The following MBTD1 variants were observed in gnomAD, a reference collection of about 807,000 sequenced individuals.
MBTD1 encodes MBT domain-containing protein 1.
MBTD1 carries 24 observed loss-of-function variants against 87.8 expected under a neutral mutation model. The observed-to-expected ratio is 0.27, with a 90% CI of 0.20 to 0.38. MBTD1 has a LOEUF of 0.38. MBTD1 is among the 10% of genes least tolerant of loss of function. The pLI, the probability that MBTD1 is intolerant of heterozygous loss-of-function variation, is 1.00. For missense variants in MBTD1, 436 were observed against 760.2 expected (o/e 0.57, Z 5.02); for synonymous variants, 237 against 248.6 (o/e 0.95, Z 0.44).
At chr17:51,226,719 T>A (rs1271250508) in intron 2 of MBTD1, among the ~76,000 whole-genome samples, 2 of 150,926 alleles carry the variant, frequency 1.3e-5, no homozygotes, top group Admixed American at 1.3e-4. Flanking sequence ...GCAATCTCCA[T>A]CTCCCAGGCT....
At chr17:51,222,069 T>C (rs539519365) in intron 3 of MBTD1, among the ~76,000 whole-genome samples, 6 of 152,304 alleles carry the variant, frequency 3.9e-5, no homozygotes, top group Admixed American at 3.3e-4. Context: ...GATAGAAAAG[T>C]TGTGATCCCA....
intron 2 of MBTD1, among the ~76,000 whole-genome samples, chr17:51,229,660 CT>C (rs36024708): frequency 0.48 from 55,964 of 117,248 alleles, 10,539 homozygotes; most frequent in South Asian, 0.59. Flanking sequence ...TTTTAGTATA[CT>C]TTTTTTTTTT....
rs60957699 is a variant in MBTD1, at chr17:51,179,484, T to TA, written c.*1091_*1092insT. The TA allele has an allele frequency of 4.1e-3, 143 of 35,254 alleles. 9 individuals are homozygous for TA. Among genetic ancestry groups the TA allele is most frequent in the African/African-American group, 6.9e-3 (82 of 11,864 alleles). The allele number at this position is 35,254 out of a possible 1,614,324, so 2.2% of individuals were successfully genotyped here. On this transcript the variant is annotated 3_prime_UTR_variant, in exon 17 of 17. Transcript: ENST00000586178. ...ATCCTGAATACAATTAAAGACAATT[T>TA]TATATATATATATATATATATATAT... is the stretch of plus-strand genomic sequence containing the variant.
At chr17:51,193,602 G>C (rs2050916335) in intron 13 of MBTD1, 92 bp from the exon 14 acceptor site, 1 of 747,018 alleles carries the variant, frequency 1.3e-6, no homozygotes, top group Non-Finnish European at 2.4e-6. Context: ...AAAATCTTAA[G>C]AGCATAGGTT....
chr17:51,214,923 A>G (rs2052478414), intron 6 of MBTD1, among the ~76,000 whole-genome samples: 1 of 152,252 alleles, frequency 6.6e-6, no homozygotes, highest in African/African-American at 2.4e-5. Flanking sequence ...TTAGAGACCC[A>G]GAAAACTGTT....
intron 6 of MBTD1, among the ~76,000 whole-genome samples, chr17:51,210,260 G>A (rs985431780): frequency 1.3e-5 from 2 of 152,018 alleles, no homozygotes; most frequent in Admixed American, 6.5e-5. Context: ...CAAAGTACTG[G>A]GATTACAGGC....
intron 3 of MBTD1, among the ~76,000 whole-genome samples, chr17:51,223,934 G>GT (rs2053065802): frequency 6.6e-6 from 1 of 152,232 alleles, no homozygotes. Flanking sequence ...GTTAACTGCA[G>GT]TAAGACTGGT....
At chr17:51,211,955 AC>A (rs1201908703) in intron 6 of MBTD1, among the ~76,000 whole-genome samples, 1 of 152,208 alleles carries the variant, frequency 6.6e-6, no homozygotes, top group African/African-American at 2.4e-5. Context: ...CTGCAAAAAA[AC>A]ATGGTAACTT....
rs182540084 is a variant in MBTD1, at chr17:51,182,253, T to A, written c.1769-1559A>T. Reference sequence around the variant, plus strand: ...GATTCTCATGCCTCAGCCTCCCGAGTGGCTGGGATTACAGGTGTGTGCCAC... The same window carrying A: ...GATTCTCATGCCTCAGCCTCCCGAGAGGCTGGGATTACAGGTGTGTGCCAC... On this transcript the variant is annotated intron_variant, in intron 16 of 16. Transcript: ENST00000586178. Among the ~76,000 whole-genome samples the A allele has an allele frequency of 9.9e-5, 15 of 150,990 alleles. 2 individuals are homozygous for A. The highest frequency in any genetic ancestry group is 3.7e-4 in the African/African-American group (15 of 41,036).
intron 2 of MBTD1, among the ~76,000 whole-genome samples, chr17:51,257,497 ATGT>A (rs774155039): frequency 4.6e-5 from 7 of 152,212 alleles, no homozygotes; most frequent in Admixed American, 6.5e-5. Context: ...ACAATTTAAA[ATGT>A]TGTTTTAATT....
intron 6 of MBTD1, among the ~76,000 whole-genome samples, chr17:51,211,345 T>A (rs1006680948): frequency 2.7e-5 from 4 of 150,740 alleles, no homozygotes; most frequent in Non-Finnish European, 5.9e-5. Context: ...TAGAAAAAAA[T>A]TAATACAAAA....
At chr17:51,221,252 C>T (rs1176594644) in intron 3 of MBTD1, among the ~76,000 whole-genome samples, 4 of 152,126 alleles carry the variant, frequency 2.6e-5, no homozygotes, top group Admixed American at 6.6e-5. Context: ...GAGCTATGAT[C>T]GCACCACTGC....
chr17:51,231,135 G>T (rs1317907148), intron 2 of MBTD1, among the ~76,000 whole-genome samples: 1 of 151,942 alleles, frequency 6.6e-6, no homozygotes, highest in South Asian at 2.1e-4. Context: ...ATGGGGTTTC[G>T]CCATGTTGGT....
chr17:51,215,697 G>A (rs140960989), intron 6 of MBTD1, among the ~76,000 whole-genome samples: 188 of 152,218 alleles, frequency 1.2e-3, no homozygotes, highest in Non-Finnish European at 2.1e-3. Context: ...CAACATTACA[G>A]CAAAATAAAT....
At chr17:51,260,827 G>A (rs1267979420), upstream of MBTD1, 1 of 1,596,764 alleles carries the variant, frequency 6.3e-7, no homozygotes, top group Middle Eastern at 1.8e-4. Context: ...TGAGGCTGGA[G>A]GAGGACAAAC....
chr17:51,244,982 C>T (rs1049918355), intron 2 of MBTD1, among the ~76,000 whole-genome samples: 1 of 152,084 alleles, frequency 6.6e-6, no homozygotes, highest in Non-Finnish European at 1.5e-5. Flanking sequence ...CTCACTGCAA[C>T]CTCCGCCTCC....
chr17:51,250,251 C>T (rs2054698916), intron 2 of MBTD1: 3 of 152,098 alleles, frequency 2.0e-5, no homozygotes, highest in Admixed American at 2.0e-4. Flanking sequence ...TAGTTGCATT[C>T]TTTCTGCTTT....
intron 6 of MBTD1, among the ~76,000 whole-genome samples, chr17:51,215,016 C>T (rs1174619862): frequency 6.6e-6 from 1 of 152,180 alleles, no homozygotes; most frequent in African/African-American, 2.4e-5. Context: ...AACAAAATGG[C>T]TTCAAATGAA....
At chr17:51,224,255 T>C (rs1471088582) in intron 3 of MBTD1, among the ~76,000 whole-genome samples, 1 of 152,184 alleles carries the variant, frequency 6.6e-6, no homozygotes, top group African/African-American at 2.4e-5. Flanking sequence ...ATCAAAGAAT[T>C]AAATCACTGG....
Sources: gnomAD v4.1 joint callset for allele counts (sites outside exome capture counted in the v4.1 genomes callset) on GRCh38, gnomAD v4.1.1 for gene constraint, MANE v1.5 for transcripts, NCBI Gene and HGNC (gene_info 2026-07-23, HGNC 2026-07-21) for gene names.